Variants in DLG2 observed in about 807,000 individuals in gnomAD.
The protein encoded by DLG2 is disks large homolog 2.
In DLG2, 45 loss-of-function variants were observed where a neutral mutation model predicts 132.5. The observed-to-expected ratio is 0.34, with a 90% CI of 0.27 to 0.44. The LOEUF is 0.44. Ranked by LOEUF, DLG2 falls within the 20% of genes least tolerant of loss-of-function variation. The pLI is 1.00. For missense variants in DLG2, 1,045 were observed against 1,196.9 expected (o/e 0.87, Z 1.87); for synonymous variants, 424 against 419.6 (o/e 1.01, Z -0.13).
intron 6 of DLG2, among the ~76,000 whole-genome samples, chr11:84,680,511 C>A (rs1275123415): frequency 1.3e-5 from 2 of 152,142 alleles, no homozygotes; most frequent in Non-Finnish European, 2.9e-5. Flanking sequence ...TCAAACTAAT[C>A]TTGAAATCCA....
intron 6 of DLG2, among the ~76,000 whole-genome samples, chr11:84,785,843 A>G (rs999996872): frequency 6.6e-6 from 1 of 152,140 alleles, no homozygotes; most frequent in Admixed American, 6.5e-5. Flanking sequence ...TCCTTTTATG[A>G]TGACACTCCA....
rs763476064 is a variant in DLG2 at position 83,532,724 on chromosome 11, A to G, written c.2177T>C (p.Val726Ala). The change falls in exon 21 of 28, where the codon GTG (valine) becomes GCG (alanine). Residue 726 changes from valine to alanine, a missense_variant. By Grantham distance (64) the Val-to-Ala change is moderately conservative. Around this residue, in one of 4 missense-constraint regions of DLG2, gnomAD observed 398 missense variants for 543.6 expected, o/e 0.73. Coordinates refer to ENST00000376104, the MANE Select transcript of DLG2 (RefSeq NM_001142699.3). Reference protein sequence around the residue: ...KTVKFNAKPGVIDSKGSFNDK... With the variant: ...KTVKFNAKPGAIDSKGSFNDK... ...TGTACCTACCCCTTTCGAATCAATC[A>G]CTCCAGGTTTGGCATTAAACTTCAC... 2.0e-5 allele frequency: 33 copies of G among 1,612,912 alleles called. No individual in the cohort carries two copies. The highest frequency in any genetic ancestry group is 2.3e-5 in the Non-Finnish European group (27 of 1,179,464).
chr11:84,364,417 C>T (rs1027228327), intron 7 of DLG2, among the ~76,000 whole-genome samples: 131 of 152,176 alleles, frequency 8.6e-4, no homozygotes, highest in African/African-American at 2.4e-3. Context: ...TGGGCTGAGA[C>T]GATGGGGTTT....
At chr11:85,517,323 G>A (rs1286887398) in intron 3 of DLG2, among the ~76,000 whole-genome samples, 1 of 152,100 alleles carries the variant, frequency 6.6e-6, no homozygotes, top group African/African-American at 2.4e-5. Flanking sequence ...TATAGCCAAT[G>A]TCATACTGAA....
chr11:85,251,374 A>G (rs2152695745), intron 4 of DLG2, among the ~76,000 whole-genome samples: 1 of 152,220 alleles, frequency 6.6e-6, no homozygotes. Flanking sequence ...TATCCCATAT[A>G]TTTTTCTTTT....
At chr11:83,664,150 A>AATCCAATG (rs2075007201) in intron 18 of DLG2, among the ~76,000 whole-genome samples, 1 of 152,228 alleles carries the variant, frequency 6.6e-6, no homozygotes. Flanking sequence ...CAGTGAATGA[A>AATCCAATG]AATAGTATTG....
chr11:84,089,069 G>A (rs1452864130), intron 10 of DLG2, among the ~76,000 whole-genome samples: 1 of 152,186 alleles, frequency 6.6e-6, no homozygotes, highest in African/African-American at 2.4e-5. Flanking sequence ...GTTGTGACTT[G>A]TGGGGTTTTT....
At chr11:85,625,770 G>C (rs950151640) in intron 2 of DLG2, among the ~76,000 whole-genome samples, 2 of 152,204 alleles carry the variant, frequency 1.3e-5, no homozygotes, top group Non-Finnish European at 2.9e-5. Context: ...AAACTCTTGA[G>C]AAACTCTTTA....
chr11:85,129,679 C>A (rs772234000), intron 5 of DLG2, among the ~76,000 whole-genome samples: 3 of 152,066 alleles, frequency 2.0e-5, no homozygotes, highest in Non-Finnish European at 2.9e-5. Flanking sequence ...CTAGAAATAC[C>A]ATTTGACCCA....
At chr11:83,563,457 G>A (rs1299736370) in intron 19 of DLG2, among the ~76,000 whole-genome samples, 1 of 152,136 alleles carries the variant, frequency 6.6e-6, no homozygotes, top group African/African-American at 2.4e-5. Context: ...TGCAGGTGAG[G>A]GTTTTGGAAG....
Position 84,937,830 on chromosome 11 carries a change from C to A in DLG2, c.357+173831G>T, listed in dbSNP as rs185124795. Among the ~76,000 whole-genome samples, 316 of 152,216 alleles carry A rather than the reference C, an allele frequency of 2.1e-3. 2 individuals are homozygous for A. Among genetic ancestry groups the A allele is most frequent in the African/African-American group, 7.5e-3 (310 of 41,540 alleles). On this transcript the variant is annotated intron_variant, in intron 6 of 27. Transcript: ENST00000376104. ...AGAAAATCTATAATATTTTGACATA[C>A]TAGAAATATGACTAGTCTTAAAAGT...
chr11:84,693,826 G>C (rs971452354), intron 6 of DLG2, among the ~76,000 whole-genome samples: 1 of 151,566 alleles, frequency 6.6e-6, no homozygotes, highest in Non-Finnish European at 1.5e-5. Context: ...CCTTCCACCT[G>C]AAATGTTCTT....
chr11:84,616,414 T>C (rs749456739), intron 6 of DLG2, among the ~76,000 whole-genome samples: 5 of 152,112 alleles, frequency 3.3e-5, no homozygotes, highest in Non-Finnish European at 7.4e-5. Context: ...GTCTGAAGTA[T>C]TGTTAGGATG....
At chr11:85,068,184 C>A (rs1033358139) in intron 6 of DLG2, among the ~76,000 whole-genome samples, 3 of 152,070 alleles carry the variant, frequency 2.0e-5, no homozygotes, top group African/African-American at 7.2e-5. Flanking sequence ...GACAAACCCA[C>A]AGCCAATATC....
chr11:84,277,879 A>G (rs144767040), intron 7 of DLG2, among the ~76,000 whole-genome samples: 1 of 152,142 alleles, frequency 6.6e-6, no homozygotes, highest in African/African-American at 2.4e-5. Context: ...TCCTACAAAC[A>G]TGAGGAGCTA....
intron 3 of DLG2, among the ~76,000 whole-genome samples, chr11:85,410,943 A>G (rs1368434384): frequency 6.6e-6 from 1 of 151,886 alleles, no homozygotes; most frequent in African/African-American, 2.4e-5. Flanking sequence ...TAAACCAAAG[A>G]AAACAAAGCC....
chr11:84,928,072 T>A (rs1484866004), intron 6 of DLG2, among the ~76,000 whole-genome samples: 1 of 151,900 alleles, frequency 6.6e-6, no homozygotes, highest in African/African-American at 2.4e-5. Flanking sequence ...AGCACAGGTA[T>A]AAAAATTAAC....
At position 85,393,994 on chromosome 11, in the gene DLG2, G is replaced by A. The variant is rs1596850223; in HGVS notation, c.41-108629C>T. ...GGGGATGGGTGCACCAAAATCTCAG[G>A]AATCATCACTGAAGAACTTATTCAT... On this transcript the variant is annotated intron_variant, in intron 3 of 27. Coordinates refer to ENST00000376104, the MANE Select transcript of DLG2 (RefSeq NM_001142699.3). 2.0e-5 allele frequency among the ~76,000 whole-genome samples: 3 copies of A among 151,964 alleles called. No individual in the cohort carries two copies. In the South Asian group the frequency reaches 6.2e-4, roughly 32 times the overall value.
intron 7 of DLG2, among the ~76,000 whole-genome samples, chr11:84,529,785 GA>G (rs2099330784): frequency 1.3e-5 from 2 of 152,066 alleles, no homozygotes; most frequent in Admixed American, 1.3e-4. Flanking sequence ...AAGAATTAGA[GA>G]AGAACAATTA....
Sources: gnomAD v4.1 joint callset for allele counts (sites outside exome capture counted in the v4.1 genomes callset) on GRCh38, gnomAD v4.1.1 for gene constraint, gnomAD v4.1.1 regional missense constraint, MANE v1.5 for transcripts, NCBI Gene and HGNC (gene_info 2026-07-23, HGNC 2026-07-21) for gene names.